Variants in C10orf90 observed in about 807,000 individuals in gnomAD.
C10orf90 encodes the protein (E2-independent) E3 ubiquitin-conjugating enzyme FATS.
A neutral mutation model predicts 62.5 loss-of-function variants in C10orf90; 56 were observed. That is an observed-to-expected ratio of 0.90 (90% CI 0.72 to 1.12). C10orf90 has a LOEUF of 1.12. C10orf90 is among the 50% of genes most tolerant of loss of function. C10orf90 has a pLI of 0.00. For synonymous variants in C10orf90, 386 were observed against 340.4 expected (o/e 1.13, Z -1.47); for missense variants, 970 against 880.4 (o/e 1.10, Z -1.29).
intron 2 of C10orf90, among the ~76,000 whole-genome samples, chr10:126,624,179 C>T (rs1845700104): frequency 6.6e-6 from 1 of 152,158 alleles, no homozygotes; most frequent in South Asian, 2.1e-4. Flanking sequence ...AACCCTGTCT[C>T]TACCAAAAAT....
At chr10:126,479,597 G>C (rs1861067689) in intron 4 of C10orf90, among the ~76,000 whole-genome samples, 1 of 152,188 alleles carries the variant, frequency 6.6e-6, no homozygotes, top group South Asian at 2.1e-4. Flanking sequence ...GCTGACAACA[G>C]GCATGGCAGC....
chr10:126,493,225 A>C (rs1861856894), intron 4 of C10orf90, among the ~76,000 whole-genome samples: 1 of 151,858 alleles, frequency 6.6e-6, no homozygotes, highest in South Asian at 2.1e-4. Flanking sequence ...CATTTATGAG[A>C]GATTCCAAGT....
chr10:126,664,834 A>T (rs1846593593), intron 1 of C10orf90, among the ~76,000 whole-genome samples: 1 of 152,116 alleles, frequency 6.6e-6, no homozygotes, highest in African/African-American at 2.4e-5. Context: ...TCAGACCTCT[A>T]ACTCCTCACA....
At chr10:126,621,454 C>T (rs1845642633) in intron 2 of C10orf90, among the ~76,000 whole-genome samples, 1 of 152,124 alleles carries the variant, frequency 6.6e-6, no homozygotes, top group Admixed American at 6.5e-5. Flanking sequence ...TGTGGAATTT[C>T]TCTTCATATC....
At chr10:126,442,369 T>A (rs533230962) in intron 7 of C10orf90, among the ~76,000 whole-genome samples, 1 of 149,052 alleles carries the variant, frequency 6.7e-6, no homozygotes, top group Admixed American at 6.7e-5. Flanking sequence ...CACAATCCTA[T>A]ACATATATAC....
chr10:126,583,134 T>C (rs1037148559), intron 2 of C10orf90, among the ~76,000 whole-genome samples: 1 of 152,208 alleles, frequency 6.6e-6, no homozygotes, highest in African/African-American at 2.4e-5. Context: ...TTGTCACATG[T>C]GCCTGGGGGA....
intron 4 of C10orf90, among the ~76,000 whole-genome samples, chr10:126,503,437 C>G (rs975756245): frequency 6.6e-6 from 1 of 152,160 alleles, no homozygotes; most frequent in African/African-American, 2.4e-5. Flanking sequence ...TTATTATACA[C>G]GCACACACGC....
intron 3 of C10orf90, among the ~76,000 whole-genome samples, chr10:126,513,007 G>T (rs141291236): frequency 7.5e-4 from 114 of 152,310 alleles, no homozygotes; most frequent in African/African-American, 2.4e-3. Context: ...ACTTTAATCT[G>T]TAGTGAGAGA....
chr10:126,438,266 T>C (rs1287847586), intron 7 of C10orf90, among the ~76,000 whole-genome samples: 1 of 152,154 alleles, frequency 6.6e-6, no homozygotes, highest in Non-Finnish European at 1.5e-5. Flanking sequence ...ATGCAGGTAA[T>C]GAGGGTAAGA....
At chr10:126,589,876 G>T (rs1203953737) in intron 2 of C10orf90, among the ~76,000 whole-genome samples, 1 of 152,102 alleles carries the variant, frequency 6.6e-6, no homozygotes, top group African/African-American at 2.4e-5. Context: ...GTGTAAATGG[G>T]CGAAATGCTC....
At chr10:126,633,342 G>A (rs926538619) in intron 2 of C10orf90, among the ~76,000 whole-genome samples, 1 of 152,254 alleles carries the variant, frequency 6.6e-6, no homozygotes, top group African/African-American at 2.4e-5. Flanking sequence ...GCAGCACACA[G>A]GAGCTGTGAG....
chr10:126,621,655 G>A (rs1845646230), intron 2 of C10orf90, among the ~76,000 whole-genome samples: 1 of 152,210 alleles, frequency 6.6e-6, no homozygotes, highest in African/African-American at 2.4e-5. Context: ...ATTTTTAGTG[G>A]CATCTGCCAT....
At chr10:126,489,748 A>C (rs1861617472) in intron 4 of C10orf90, among the ~76,000 whole-genome samples, 1 of 151,544 alleles carries the variant, frequency 6.6e-6, no homozygotes. Flanking sequence ...AATTGAAAGC[A>C]GAGACTTAAA....
chr10:126,662,586 C>T (rs1179345206), intron 1 of C10orf90, among the ~76,000 whole-genome samples: 3 of 152,246 alleles, frequency 2.0e-5, no homozygotes, highest in South Asian at 2.1e-4. Context: ...CCTTCCTGTG[C>T]CCCCGTTCAG....
chr10:126,595,167 C>A (rs1026524286), intron 2 of C10orf90, among the ~76,000 whole-genome samples: 17 of 152,178 alleles, frequency 1.1e-4, no homozygotes, highest in Non-Finnish European at 2.4e-4. Flanking sequence ...TGTGCAACCA[C>A]TTGCACTTAA....
rs77752284 is a variant in C10orf90 at position 126,469,723 on chromosome 10, A to T, written c.1535-4737T>A. On this transcript the variant is annotated intron_variant, in intron 4 of 9. Coordinates refer to ENST00000488181, the MANE Select transcript of C10orf90 (RefSeq NM_001350921.2). ...TGCAAAGCTCTCGGGTCTGCATTTT[A>T]TATGTAGTGTCTCACCTCTTCCTCT... 3.8e-3 allele frequency: 1,413 copies of T among 371,492 alleles called. 18 individuals carry two copies. The highest frequency in any genetic ancestry group is 0.023 in the African/African-American group (1,091 of 47,286). The allele number at this position is 371,492 out of a possible 1,614,324, so 23.0% of individuals were successfully genotyped here.
At chr10:126,508,190 A>AGAGT (rs1427624756) in intron 3 of C10orf90, among the ~76,000 whole-genome samples, 17 of 149,680 alleles carry the variant, frequency 1.1e-4, no homozygotes, top group South Asian at 6.4e-4. Flanking sequence ...AGAGAGAGAG[A>AGAGT]GTGTGTGTGT....
intron 2 of C10orf90, among the ~76,000 whole-genome samples, chr10:126,596,564 C>A (rs1225542806): frequency 2.0e-5 from 3 of 152,122 alleles, no homozygotes; most frequent in Non-Finnish European, 4.4e-5. Context: ...ATTCACCCAA[C>A]CTAGCAAACA....
chr10:126,565,300 TTATATATTATATTA>T (rs1468889125), intron 2 of C10orf90, among the ~76,000 whole-genome samples: 1 of 67,348 alleles, frequency 1.5e-5, no homozygotes, highest in East Asian at 4.7e-4. Context: ...TATATTTATA[TTATATATTATATTA>T]TATATATTAT....
Sources: gnomAD v4.1 joint callset for allele counts (sites outside exome capture counted in the v4.1 genomes callset) on GRCh38, gnomAD v4.1.1 for gene constraint, MANE v1.5 for transcripts, NCBI Gene and HGNC (gene_info 2026-07-23, HGNC 2026-07-21) for gene names.